The following GTF3C2 variants were observed in gnomAD, a reference collection of about 807,000 sequenced individuals.
GTF3C2 encodes the protein general transcription factor IIIC subunit 2, also known as general transcription factor 3C polypeptide 2.
GTF3C2 carries 17 observed loss-of-function variants against 117.4 expected under a neutral mutation model. The ratio of observed to expected loss-of-function variants is 0.14; its 90% CI spans 0.10 to 0.22. The LOEUF is 0.22. Ranked by LOEUF, GTF3C2 falls within the 10% of genes least tolerant of loss-of-function variation. The pLI is 1.00. For missense variants in GTF3C2, 888 were observed against 1,143.6 expected (o/e 0.78, Z 3.22); for synonymous variants, 437 against 427.0 (o/e 1.02, Z -0.29).
intron 1 of GTF3C2, among the ~76,000 whole-genome samples, chr2:27,344,359 C>T (rs988572571): frequency 1.2e-4 from 19 of 152,200 alleles, no homozygotes; most frequent in Non-Finnish European, 2.1e-4. Context: ...TAACTATGTG[C>T]CAAGCACTAT....
exon 19 of GTF3C2, chr2:27,326,769 C>T: frequency 6.2e-7 from 1 of 1,614,042 alleles, no homozygotes; most frequent in Non-Finnish European, 8.5e-7. Flanking sequence ...GTGGGCTCGG[C>T]TTTCAAGCTG....
At chr2:27,339,651 G>C (rs111919899) in intron 4 of GTF3C2, 1 of 151,912 alleles carries the variant, frequency 6.6e-6, no homozygotes, top group South Asian at 2.1e-4. Context: ...ATCTCCAGCA[G>C]AATGACCCAT....
chr2:27,331,078 G>C (rs1022353447), intron 12 of GTF3C2, among the ~76,000 whole-genome samples: 1 of 152,174 alleles, frequency 6.6e-6, no homozygotes, highest in Non-Finnish European at 1.5e-5. Flanking sequence ...GTTTGTTGAC[G>C]ATGAATTATA....
chr2:27,338,511 G>A (rs1319422426), intron 4 of GTF3C2, among the ~76,000 whole-genome samples: 1 of 152,056 alleles, frequency 6.6e-6, no homozygotes, highest in Non-Finnish European at 1.5e-5. Flanking sequence ...CATGTCCCAT[G>A]GCTTTGACTA....
intron 2 of GTF3C2, 41 bp from the exon 3 acceptor site, chr2:27,343,188 T>C (rs756281268): frequency 6.6e-7 from 1 of 1,510,098 alleles, no homozygotes; most frequent in South Asian, 1.3e-5. Context: ...GGACCAGAAC[T>C]CAAACCTCTA....
At position 27,329,932 on chromosome 2, in the gene GTF3C2, G is replaced by A. The variant is rs979738710; in HGVS notation, c.1733-409C>T. Among the ~76,000 whole-genome samples, 1 of 151,956 alleles carries A rather than the reference G, an allele frequency of 6.6e-6. No homozygotes were observed. Among genetic ancestry groups the A allele is most frequent in the African/African-American group, 2.4e-5 (1 of 41,350 alleles). Reference sequence around the variant, plus strand: ...CAATGCAGGTGGTGGATCACCTGAGGTCAGGAGTTTGAGACCAGCCTGATC... The same window carrying A: ...CAATGCAGGTGGTGGATCACCTGAGATCAGGAGTTTGAGACCAGCCTGATC... On this transcript the variant is annotated intron_variant, in intron 12 of 18. Transcript: ENST00000264720. The surrounding 1 kb of genome is among the most constrained non-coding windows in gnomAD (Gnocchi z 4.5).
chr2:27,333,750 A>G (rs1330220934), exon 12 of GTF3C2: 2 of 1,608,576 alleles, frequency 1.2e-6, no homozygotes, highest in Non-Finnish European at 1.7e-6. Context: ...TGTAGCTTGC[A>G]TAGACCCCAC....
Position 27,329,057 on chromosome 2 carries a change from G to T in GTF3C2, c.2039+64C>A. ...TACCCTCCTCTCCCCACAACAATCT[G>T]GCATGCTTTGCATTCCAACCCTTAG... On this transcript the variant is annotated intron_variant, in intron 14 of 18. Coordinates refer to ENST00000264720, the Ensembl canonical transcript of GTF3C2. This position sits in a 1 kb window ranked among gnomAD's most constrained non-coding sequence, Gnocchi z 4.5. 1 of 1,561,138 alleles carries T rather than the reference G, an allele frequency of 6.4e-7. No homozygotes were observed. The highest frequency in any genetic ancestry group is 8.8e-7 in the Non-Finnish European group (1 of 1,132,708).
chr2:27,338,087 G>C (rs1355732014), intron 4 of GTF3C2, 67 bp from the exon 5 acceptor site: 1 of 934,420 alleles, frequency 1.1e-6, no homozygotes, highest in African/African-American at 1.6e-5. Context: ...CCCAGAGACA[G>C]CTCTTTCCCA....
intron 4 of GTF3C2, among the ~76,000 whole-genome samples, chr2:27,338,450 GCGCACGCGCGCA>G (rs1680580867): frequency 1.8e-5 from 1 of 57,040 alleles, no homozygotes; most frequent in African/African-American, 7.1e-5. Context: ...AGGCGCGCAC[GCGCACGCGCGCA>G]CACACACACA....
exon 11 of GTF3C2, chr2:27,333,988 G>A (rs1386662786): frequency 6.2e-7 from 1 of 1,609,442 alleles, no homozygotes; most frequent in South Asian, 1.1e-5. Context: ...TATATGGCAG[G>A]CTTCACTGCA....
intron 1 of GTF3C2, chr2:27,350,539 C>A: frequency 1.0e-6 from 1 of 983,112 alleles, no homozygotes; most frequent in Non-Finnish European, 1.2e-6. Context: ...GTGGCTCATG[C>A]CTGTAATCTC....
intron 1 of GTF3C2, among the ~76,000 whole-genome samples, chr2:27,345,553 A>AC (rs1279228970): frequency 1.3e-5 from 2 of 151,672 alleles, no homozygotes; most frequent in Non-Finnish European, 2.9e-5. Flanking sequence ...AGATCATGCC[A>AC]CCGTACTCCA....
chr2:27,347,450 T>C (rs574755762), intron 1 of GTF3C2, among the ~76,000 whole-genome samples: 3 of 152,212 alleles, frequency 2.0e-5, no homozygotes, highest in Admixed American at 1.3e-4. Context: ...AGATACATTA[T>C]AACACTGCCA....
intron 1 of GTF3C2, among the ~76,000 whole-genome samples, chr2:27,353,814 T>C (rs1681227602): frequency 6.6e-6 from 1 of 152,118 alleles, no homozygotes; most frequent in Admixed American, 6.6e-5. Context: ...CTTGACCTCC[T>C]GGGCCCAAGT....
At chr2:27,343,503 C>A (rs762066855) in exon 2 of GTF3C2, 1 of 1,614,096 alleles carries the variant, frequency 6.2e-7, no homozygotes, top group South Asian at 1.1e-5. Context: ...GTCATGTTCC[C>A]CACGGGGCCG....
Position 27,331,626 on chromosome 2 carries a change from A to G in GTF3C2, c.1732+2029T>C, listed in dbSNP as rs117322964. On this transcript the variant is annotated intron_variant, in intron 12 of 18. Transcript: ENST00000264720. The stretch of plus-strand genomic sequence containing the variant: ...CGACATGAGCCACCACACTTGGCCA[A>G]TAACACTGTCATTTAAAAATAACAA... Among the ~76,000 whole-genome samples, 65 of 152,216 alleles carry G rather than the reference A, an allele frequency of 4.3e-4. 1 individual carries two copies. In the East Asian group the frequency reaches 6.0e-3, roughly 14 times the overall value.
chr2:27,342,752 T>C (rs1195538097), intron 3 of GTF3C2, 74 bp downstream of exon 3: 23 of 1,130,000 alleles, frequency 2.0e-5, no homozygotes, highest in Non-Finnish European at 2.9e-5. Context: ...ATCAGTCTTC[T>C]CTCTCCAACA....
chr2:27,327,323 C>A, intron 17 of GTF3C2, 39 bp from the exon 18 acceptor site: 1 of 1,103,502 alleles, frequency 9.1e-7, no homozygotes, highest in Admixed American at 2.0e-5. Flanking sequence ...GAAAGTGAGA[C>A]GCTCGTTTGT....
Sources: gnomAD v4.1 joint callset for allele counts (sites outside exome capture counted in the v4.1 genomes callset) on GRCh38, gnomAD v4.1.1 for gene constraint, Gnocchi (gnomAD v3.1) non-coding constraint, MANE v1.5 for transcripts, NCBI Gene and HGNC (gene_info 2026-07-23, HGNC 2026-07-21) for gene names.